The following DLG2 variants were observed in gnomAD, a reference collection of about 807,000 sequenced individuals.
DLG2 encodes the protein discs large MAGUK scaffold protein 2, also known as disks large homolog 2.
In DLG2, 45 loss-of-function variants were observed where a neutral mutation model predicts 132.5. The ratio of observed to expected loss-of-function variants is 0.34; its 90% CI spans 0.27 to 0.44. The LOEUF (loss-of-function observed/expected upper bound fraction) is 0.44, where lower values mean the gene tolerates loss of function less well. Among genes scored for constraint, DLG2 ranks in the 20% least tolerant of loss-of-function variants. The pLI, the probability that DLG2 is intolerant of heterozygous loss-of-function variation, is 1.00. For synonymous variants in DLG2, 424 were observed against 419.6 expected, an observed-to-expected ratio of 1.01 and a Z score of -0.13; for missense variants, 1,045 against 1,196.9, an observed-to-expected ratio of 0.87 and a Z score of 1.87.
intron 3 of DLG2, among the ~76,000 whole-genome samples, chr11:85,398,718 T>G (rs986527842): frequency 4.6e-5 from 7 of 152,090 alleles, no homozygotes; most frequent in Non-Finnish European, 1.0e-4. Context: ...CTCCCAAGAC[T>G]AAACCAGGAA....
At chr11:85,095,708 T>C (rs989023514) in intron 6 of DLG2, among the ~76,000 whole-genome samples, 4 of 152,190 alleles carry the variant, frequency 2.6e-5, no homozygotes, top group African/African-American at 9.6e-5. Context: ...ATACCTAAAA[T>C]GAACCTTTTC....
intron 3 of DLG2, among the ~76,000 whole-genome samples, chr11:85,505,277 G>A (rs182304522): frequency 0.014 from 2,100 of 152,282 alleles, 22 homozygotes; most frequent in Non-Finnish European, 0.021. Context: ...AGTGGTGAGA[G>A]AGGGCATCCC....
intron 3 of DLG2, among the ~76,000 whole-genome samples, chr11:85,386,859 CAA>C (rs570682669): frequency 1.0e-4 from 10 of 97,064 alleles, no homozygotes; most frequent in Non-Finnish European, 1.5e-4. Context: ...GGAAGGCAAC[CAA>C]AAAAAAAAAA....
chr11:84,213,360 G>A (rs1407835772), intron 8 of DLG2, among the ~76,000 whole-genome samples: 1 of 152,176 alleles, frequency 6.6e-6, no homozygotes, highest in African/African-American at 2.4e-5. Context: ...AAAAGGCCTA[G>A]TTCACACTGG....
At position 83,541,720 on chromosome 11, in the gene DLG2, T is replaced by A; in HGVS notation, c.2079A>T (p.Gly693=). 1 of 1,612,088 alleles carries A rather than the reference T, an allele frequency of 6.2e-7. No homozygotes were observed. Among genetic ancestry groups the A allele is most frequent in the South Asian group, 1.1e-5 (1 of 90,824 alleles). ...WWQARRVMLE[G]DSEEMGVIPS... ...GGATGACCCCCATCTCCTCACTGTC[T>A]CCCTCCAGCATGACTCTCCTGGCTT... Residue 693 remains glycine (G), a synonymous_variant, in exon 20 of 28, where the codon GGA becomes GGT. Transcript: ENST00000376104.
At chr11:84,754,884 G>A (rs1489733363) in intron 6 of DLG2, among the ~76,000 whole-genome samples, 2 of 152,086 alleles carry the variant, frequency 1.3e-5, no homozygotes, top group African/African-American at 4.8e-5. Context: ...TGCATGTGTG[G>A]GGGCTGGAGT....
Position 85,316,360 on chromosome 11 carries a change from G to T in DLG2, c.41-30995C>A, listed in dbSNP as rs1186726022. Among the ~76,000 whole-genome samples, 9 of 152,064 alleles carry T rather than the reference G, an allele frequency of 5.9e-5. No individual in the cohort carries two copies. In the East Asian group the frequency reaches 1.7e-3, roughly 29 times the overall value. On this transcript the variant is annotated intron_variant, in intron 3 of 27. Transcript: ENST00000376104. Reference sequence around the variant, plus strand: ...CCGATTTAAGCTATCCTGATGTTTAGTTATTTGAGCATGAGATGGACAGAA... The same window carrying T: ...CCGATTTAAGCTATCCTGATGTTTATTTATTTGAGCATGAGATGGACAGAA...
chr11:84,716,615 A>G (rs965872372), intron 6 of DLG2, among the ~76,000 whole-genome samples: 2 of 151,958 alleles, frequency 1.3e-5, no homozygotes, highest in Admixed American at 1.3e-4. Context: ...TACTATGACA[A>G]AGAAAAAAAC....
Position 84,694,334 on chromosome 11 carries a change from T to TA in DLG2, c.358-159604_358-159603insT, listed in dbSNP as rs1208742054. Among the ~76,000 whole-genome samples, 6 of 151,772 alleles carry TA rather than the reference T, an allele frequency of 4.0e-5. No homozygotes were observed. The East Asian group carries it at 1.2e-3, about 29-fold the overall frequency. On this transcript the variant is annotated intron_variant, in intron 6 of 27. Coordinates refer to ENST00000376104, the MANE Select transcript of DLG2 (RefSeq NM_001142699.3). ...TAAAAGAAAATGTTCATGTGAGCACTTGAACGAATCAGTTTTACAATCTTA... is the reference window on the plus strand; with the variant it reads ...TAAAAGAAAATGTTCATGTGAGCACTATGAACGAATCAGTTTTACAATCTTA...
rs1168590401 is a variant in DLG2 at position 85,347,797 on chromosome 11, C to CTTTT, written c.41-62436_41-62433dup. On this transcript the variant is annotated intron_variant, in intron 3 of 27. Transcript: ENST00000376104. Reference sequence around the variant, plus strand: ...AGGGCATGGTACACTAAGAGGCACTCTTTTTTTTTTTTTTTTTTTTTTTTG... The same window carrying CTTTT: ...AGGGCATGGTACACTAAGAGGCACTCTTTTTTTTTTTTTTTTTTTTTTTTTTTTG... 2.7e-4 allele frequency among the ~76,000 whole-genome samples: 26 copies of CTTTT among 94,942 alleles called. 2 individuals carry two copies. The highest frequency in any genetic ancestry group is 8.1e-4 in the African/African-American group (19 of 23,344). The allele number at this position is 94,942 out of a possible 152,430, so 62.3% of individuals were successfully genotyped here.
intron 6 of DLG2, among the ~76,000 whole-genome samples, chr11:84,631,903 C>G (rs2099632821): frequency 6.6e-6 from 1 of 152,048 alleles, no homozygotes; most frequent in Non-Finnish European, 1.5e-5. Flanking sequence ...ATAGTTTTTT[C>G]TTTGGTAAAA....
chr11:84,566,589 G>A (rs775937369), intron 6 of DLG2, among the ~76,000 whole-genome samples: 1 of 152,106 alleles, frequency 6.6e-6, no homozygotes, highest in African/African-American at 2.4e-5. Flanking sequence ...AGGTTAAAAG[G>A]CTCCCTGACT....
intron 7 of DLG2, among the ~76,000 whole-genome samples, chr11:84,445,081 G>A (rs1364277063): frequency 6.6e-6 from 1 of 152,030 alleles, no homozygotes; most frequent in East Asian, 1.9e-4. Context: ...CAAAGTACTG[G>A]GATTACAGGC....
intron 9 of DLG2, among the ~76,000 whole-genome samples, chr11:84,131,055 C>T (rs1263255443): frequency 6.6e-6 from 1 of 151,928 alleles, no homozygotes; most frequent in East Asian, 1.9e-4. Flanking sequence ...ACACACATTC[C>T]CAATAGTGAT....
chr11:85,544,800 G>A (rs2076200787), intron 3 of DLG2, among the ~76,000 whole-genome samples: 1 of 151,824 alleles, frequency 6.6e-6, no homozygotes, highest in Admixed American at 6.6e-5. Flanking sequence ...GTGTGTTACT[G>A]GCGTATAAGA....
chr11:83,880,402 T>C (rs935873406), intron 15 of DLG2, among the ~76,000 whole-genome samples: 4 of 152,160 alleles, frequency 2.6e-5, no homozygotes, highest in Non-Finnish European at 5.9e-5. Context: ...TTAATACATT[T>C]AGAGGTAGAA....
intron 10 of DLG2, among the ~76,000 whole-genome samples, chr11:84,080,509 C>T (rs2096887209): frequency 6.6e-6 from 1 of 152,104 alleles, no homozygotes. Context: ...CACAATCAAT[C>T]ATTATGGGAT....
chr11:84,642,450 C>T (rs1402904084), intron 6 of DLG2, among the ~76,000 whole-genome samples: 2 of 152,044 alleles, frequency 1.3e-5, no homozygotes, highest in African/African-American at 4.8e-5. Context: ...GAAAGAGATA[C>T]ACTTTAAATT....
intron 6 of DLG2, among the ~76,000 whole-genome samples, chr11:84,805,127 A>G (rs1438147184): frequency 6.6e-6 from 1 of 152,134 alleles, no homozygotes; most frequent in African/African-American, 2.4e-5. Flanking sequence ...AGTAGCAGTA[A>G]AAGTGTATTA....
Sources: allele counts gnomAD v4.1 joint callset (sites outside exome capture counted in the v4.1 genomes callset), GRCh38; gene constraint gnomAD v4.1.1; transcripts MANE v1.5; gene names NCBI Gene and HGNC (gene_info 2026-07-23, HGNC 2026-07-21).